Variants in EYS observed in about 807,000 individuals in gnomAD.
The protein encoded by EYS is protein eyes shut homolog.
Under a neutral mutation model 282.1 loss-of-function variants are expected in EYS, and 250 were observed. The ratio of observed to expected loss-of-function variants is 0.89; its 90% CI spans 0.80 to 0.98. The LOEUF is 0.98. Among genes scored for constraint, EYS ranks in the 50% least tolerant of loss-of-function variants. The pLI is 0.00. For synonymous variants in EYS, 1,355 were observed against 1,282.9 expected, an observed-to-expected ratio of 1.06 and a Z score of -1.20; for missense variants, 4,016 against 3,709.0, an observed-to-expected ratio of 1.08 and a Z score of -2.15.
intron 12 of EYS, among the ~76,000 whole-genome samples, chr6:65,107,926 ATTCT>A (rs1775091901): frequency 6.6e-6 from 1 of 152,124 alleles, no homozygotes; most frequent in Non-Finnish European, 1.5e-5. Context: ...AATCTTGCTC[ATTCT>A]TTGTTATAAT....
chr6:65,540,451 A>T (rs549280987), intron 2 of EYS, among the ~76,000 whole-genome samples: 36 of 152,190 alleles, frequency 2.4e-4, no homozygotes, highest in Non-Finnish European at 4.8e-4. Context: ...GCCTCTAGAG[A>T]CAAGAATTAT....
chr6:65,014,401 T>C (rs1771978115), intron 13 of EYS, among the ~76,000 whole-genome samples: 1 of 152,194 alleles, frequency 6.6e-6, no homozygotes, highest in African/African-American at 2.4e-5. Context: ...TGATAAGTTG[T>C]TATTCAGCAC....
At chr6:63,749,790 A>G (rs907700897) in intron 41 of EYS, among the ~76,000 whole-genome samples, 5 of 152,168 alleles carry the variant, frequency 3.3e-5, no homozygotes, top group African/African-American at 1.2e-4. Flanking sequence ...ACTGGTGCAT[A>G]GTAGCCCCCT....
intron 40 of EYS, among the ~76,000 whole-genome samples, chr6:63,775,110 G>A (rs992751042): frequency 6.6e-6 from 1 of 152,242 alleles, no homozygotes; most frequent in Middle Eastern, 3.4e-3. Flanking sequence ...TCTGCCTTAT[G>A]ATACTCACAT....
At chr6:65,431,205 T>C (rs1192358697) in intron 5 of EYS, among the ~76,000 whole-genome samples, 1 of 152,180 alleles carries the variant, frequency 6.6e-6, no homozygotes, top group East Asian at 1.9e-4. Context: ...TTTTTGTTAA[T>C]TGACCTGTCA....
At chr6:65,430,188 G>T (rs138247942) in intron 5 of EYS, among the ~76,000 whole-genome samples, 1 of 152,086 alleles carries the variant, frequency 6.6e-6, no homozygotes, top group African/African-American at 2.4e-5. Context: ...GGAAAAACAC[G>T]TCACAATAAC....
intron 26 of EYS, among the ~76,000 whole-genome samples, chr6:64,528,619 T>C (rs115446716): frequency 0.02 from 3,015 of 152,110 alleles, 91 homozygotes; most frequent in African/African-American, 0.069. Context: ...TCCCATTACT[T>C]ATTTAGTACC....
chr6:65,146,203 G>T (rs115928281), intron 12 of EYS, among the ~76,000 whole-genome samples: 4,278 of 151,800 alleles, frequency 0.028, 155 homozygotes, highest in African/African-American at 0.086. Context: ...AAAAGATAAT[G>T]ATCTCTAAGC....
At chr6:64,406,585 G>C (rs947327137) in intron 28 of EYS, among the ~76,000 whole-genome samples, 8 of 151,668 alleles carry the variant, frequency 5.3e-5, no homozygotes, top group Admixed American at 2.0e-4. Context: ...CTAATATCCA[G>C]AATCTACAAA....
intron 22 of EYS, among the ~76,000 whole-genome samples, chr6:64,632,656 T>G (rs573228486): frequency 6.6e-6 from 1 of 152,342 alleles, no homozygotes; most frequent in South Asian, 2.1e-4. Flanking sequence ...AAATTTGACA[T>G]ATTTTCTTTT....
intron 12 of EYS, among the ~76,000 whole-genome samples, chr6:65,103,498 C>T (rs1453649362): frequency 6.6e-6 from 1 of 151,388 alleles, no homozygotes; most frequent in Admixed American, 6.6e-5. Flanking sequence ...CTCTAATAGT[C>T]AATGCCAAGT....
At chr6:65,000,946 C>T (rs1017685770) in intron 13 of EYS, among the ~76,000 whole-genome samples, 13 of 152,196 alleles carry the variant, frequency 8.5e-5, no homozygotes, top group East Asian at 3.9e-4. Context: ...GCAGGACATG[C>T]GACAGGGGTG....
intron 1 of EYS, among the ~76,000 whole-genome samples, chr6:65,689,647 T>G (rs1448950844): frequency 6.7e-6 from 1 of 150,372 alleles, no homozygotes; most frequent in East Asian, 2.3e-4. Context: ...AGTATTTTAC[T>G]GCTTCATCCT....
chr6:63,958,644 G>A (rs559161960), intron 35 of EYS, among the ~76,000 whole-genome samples: 2 of 152,288 alleles, frequency 1.3e-5, no homozygotes, highest in East Asian at 1.9e-4. Flanking sequence ...GACTTTCATA[G>A]GTAGAGAAGA....
intron 12 of EYS, among the ~76,000 whole-genome samples, chr6:65,200,561 G>A (rs1343448214): frequency 6.6e-6 from 1 of 151,540 alleles, no homozygotes; most frequent in East Asian, 1.9e-4. Flanking sequence ...AAGAAGAGAT[G>A]CTAAACTAAG....
chr6:64,291,733 T>C (rs1174225611), intron 30 of EYS, among the ~76,000 whole-genome samples: 1 of 152,160 alleles, frequency 6.6e-6, no homozygotes, highest in Non-Finnish European at 1.5e-5. Flanking sequence ...TTTCTTTTAT[T>C]TTAGTGTATT....
intron 12 of EYS, among the ~76,000 whole-genome samples, chr6:65,199,466 T>G (rs1397968533): frequency 1.3e-5 from 2 of 152,152 alleles, no homozygotes; most frequent in African/African-American, 4.8e-5. Context: ...AGCAGCGAAG[T>G]ACTCAGTGTA....
chr6:65,402,507 A>C lies in EYS; in HGVS notation c.1155T>G (p.Cys385Trp). The C allele has an allele frequency of 6.5e-7, 1 of 1,529,032 alleles. No individual in the cohort carries two copies. Among genetic ancestry groups the C allele is most frequent in the Non-Finnish European group, 9.1e-7 (1 of 1,103,624 alleles). The allele number at this position is 1,529,032 out of a possible 1,614,324, so 94.7% of individuals were successfully genotyped here. A position where few individuals can be genotyped will look rare whatever the true frequency, so the allele number is the denominator to read the frequency against. Residue 385 changes from cysteine (C) to tryptophan (W), a missense_variant, in exon 7 of 43, where the codon TGT (cysteine) becomes TGG (tryptophan). Physicochemically the swap from Cys to Trp is radical, Grantham distance 215. Coordinates refer to ENST00000503581, the MANE Select transcript of EYS (RefSeq NM_001142800.2). ...AAGGATAATCTTTCTCACATTTCTTACATGTAGCATTATTCCTCAAAGGAA... is the reference window on the plus strand; with the variant it reads ...AAGGATAATCTTTCTCACATTTCTTCCATGTAGCATTATTCCTCAAAGGAA... ...ESFPLRNNAT[C>W]KKCEKDYPCS...
At chr6:65,629,548 T>C (rs896702045) in intron 2 of EYS, among the ~76,000 whole-genome samples, 3 of 152,152 alleles carry the variant, frequency 2.0e-5, no homozygotes, top group African/African-American at 7.2e-5. Flanking sequence ...ACATGAGAAC[T>C]AAATCAGCAT....
Sources: gnomAD v4.1 joint callset for allele counts (sites outside exome capture counted in the v4.1 genomes callset) on GRCh38, gnomAD v4.1.1 for gene constraint, MANE v1.5 for transcripts, NCBI Gene and HGNC (gene_info 2026-07-23, HGNC 2026-07-21) for gene names.